The following TBC1D15 variants were observed in gnomAD, a reference collection of about 807,000 sequenced individuals.
The protein encoded by TBC1D15 is TBC1 domain family member 15.
In TBC1D15, 39 loss-of-function variants were observed where a neutral mutation model predicts 95.4. That is an observed-to-expected ratio of 0.41 (90% CI 0.32 to 0.53). The LOEUF (loss-of-function observed/expected upper bound fraction) is 0.53, where lower values mean the gene tolerates loss of function less well. TBC1D15 is among the 20% of genes least tolerant of loss of function. The probability of loss-of-function intolerance (pLI) is 0.29; values close to 1 mark genes in which losing one functional copy is unlikely to be tolerated. For synonymous variants in TBC1D15, 258 were observed against 261.3 expected, an observed-to-expected ratio of 0.99 and a Z score of 0.12; for missense variants, 733 against 794.3, an observed-to-expected ratio of 0.92 and a Z score of 0.93.
At position 71,920,750 on chromosome 12, in the gene TBC1D15, C is replaced by T; in HGVS notation, c.1619C>T (p.Pro540Leu). 2 of 1,612,358 alleles carry T rather than the reference C, an allele frequency of 1.2e-6. No individual in the cohort carries two copies. The highest frequency in any genetic ancestry group is 1.7e-6 in the Non-Finnish European group (2 of 1,179,288). The change falls in exon 15 of 17, where the codon CCA (proline) becomes CTA (leucine). Residue 540 changes from proline to leucine, a missense_variant. By Grantham distance (98) the Pro-to-Leu change is moderately conservative (BLOSUM62 -3). Coordinates refer to ENST00000485960, the MANE Select transcript of TBC1D15 (RefSeq NM_001146213.3). ...RLWEVMWTEL[P>L]CTNFHLLLCC... ...CTATAGGTAATGTGGACCGAACTAC[C>T]ATGTACAAATTTCCATCTTCTTCTC...
intron 1 of TBC1D15, among the ~76,000 whole-genome samples, chr12:71,870,597 TTTATAATG>T (rs1411582757): frequency 1.3e-5 from 2 of 152,210 alleles, no homozygotes; most frequent in African/African-American, 4.8e-5. Context: ...ATGTGGAACC[TTTATAATG>T]TAGTGGCTAA....
At chr12:71,866,848 C>T (rs181955835) in intron 1 of TBC1D15, among the ~76,000 whole-genome samples, 12 of 152,292 alleles carry the variant, frequency 7.9e-5, no homozygotes, top group Non-Finnish European at 1.3e-4. Flanking sequence ...GCCTTCTAGA[C>T]GACCATCTTG....
In TBC1D15 at chr12:71,854,149, A is replaced by G. The variant is rs376049485; in HGVS notation, c.30+14338A>G. 2.0e-5 allele frequency among the ~76,000 whole-genome samples: 3 copies of G among 152,314 alleles called. No homozygotes were observed. The South Asian group carries it at 6.2e-4, about 32-fold the overall frequency. ...CTGGGAACACACAACATAAAGCTAG[A>G]CAATTGTATTGCTCACTTCATTTGG... On this transcript the variant is annotated intron_variant, in intron 1 of 16. Transcript: ENST00000485960.
Position 71,897,794 on chromosome 12 carries a change from TTAAAAA to T in TBC1D15, c.1089-48_1089-43del, listed in dbSNP as rs1357623025. 5.8e-6 allele frequency: 8 copies of T among 1,388,098 alleles called. No individual in the cohort carries two copies. The Admixed American group carries it at 1.4e-4, about 24-fold the overall frequency. The allele number at this position is 1,388,098 out of a possible 1,614,324, so 86.0% of individuals were successfully genotyped here. On this transcript the variant is annotated intron_variant, in intron 9 of 16. Transcript: ENST00000485960. Reference sequence around the variant, plus strand: ...TATAGAAAAACCCAATTAAACAGTGTTAAAAATAAAGTTTTCAAATAGCTTTCTTTG... The same window carrying T: ...TATAGAAAAACCCAATTAAACAGTGTTAAAGTTTTCAAATAGCTTTCTTTG...
chr12:71,860,080 A>T (rs1890052331), intron 1 of TBC1D15, among the ~76,000 whole-genome samples: 2 of 152,002 alleles, frequency 1.3e-5, no homozygotes, highest in African/African-American at 2.4e-5. Flanking sequence ...CTCTAAATTT[A>T]TTTCTGGGTT....
intron 11 of TBC1D15, among the ~76,000 whole-genome samples, chr12:71,908,380 T>G (rs1901335474): frequency 6.6e-6 from 1 of 152,114 alleles, no homozygotes; most frequent in South Asian, 2.1e-4. Context: ...TGTGAGTGGC[T>G]TCTAGCTAAA....
intron 16 of TBC1D15, 133 bp from the exon 17 acceptor site, chr12:71,922,850 G>C (rs568062538): frequency 1.2e-6 from 1 of 833,690 alleles, no homozygotes; most frequent in African/African-American, 1.7e-5. Flanking sequence ...TGTGAGAAGG[G>C]TACATGACAT....
intron 13 of TBC1D15, 44 bp from the exon 14 acceptor site, chr12:71,918,407 T>C (rs773096874): frequency 2.5e-6 from 3 of 1,216,186 alleles, no homozygotes; most frequent in Non-Finnish European, 1.2e-6. Context: ...CTGACATAAT[T>C]AGCATAAGAG....
chr12:71,913,919 ACCAAATGGT>A lies in TBC1D15; in HGVS notation c.1395_1401+2del, dbSNP rs769534930. ...TTTTGGTGCTTTGCCTCTTACATGG[ACCAAATGGT>A]AAGAACAGAGATTCCTTCCATTAAA... On this transcript the variant is annotated splice_donor_variant and coding_sequence_variant, in exon 12 of 17. Transcript: ENST00000485960. LOFTEE classifies it high-confidence loss of function. 1 of 1,586,376 alleles carries A rather than the reference ACCAAATGGT, an allele frequency of 6.3e-7. No individual in the cohort carries two copies. The highest frequency in any genetic ancestry group is 8.6e-7 in the Non-Finnish European group (1 of 1,169,168).
intron 5 of TBC1D15, among the ~76,000 whole-genome samples, chr12:71,892,976 T>C (rs1897457202): frequency 6.6e-6 from 1 of 151,862 alleles, no homozygotes. Context: ...AAATACACTT[T>C]ATATTTGTTT....
At chr12:71,896,920 A>G in intron 9 of TBC1D15, 140 bp downstream of exon 9, 2 of 579,626 alleles carry the variant, frequency 3.5e-6, no homozygotes, top group East Asian at 3.1e-5. Context: ...TAACTTAAAA[A>G]TTATGAGCAT....
At chr12:71,855,139 T>C (rs1456980463) in intron 1 of TBC1D15, among the ~76,000 whole-genome samples, 1 of 150,894 alleles carries the variant, frequency 6.6e-6, no homozygotes, top group Non-Finnish European at 1.5e-5. Context: ...AGAGAGAGAG[T>C]GCTCAGGGGA....
At chr12:71,902,254 A>T (rs1592796878) in intron 10 of TBC1D15, among the ~76,000 whole-genome samples, 1 of 152,344 alleles carries the variant, frequency 6.6e-6, no homozygotes, top group Middle Eastern at 3.4e-3. Context: ...ACCAAAAAAG[A>T]GCCCAAATAG....
intron 2 of TBC1D15, 126 bp from the exon 3 acceptor site, chr12:71,872,803 T>C (rs1892965519): frequency 1.7e-6 from 1 of 605,538 alleles, no homozygotes; most frequent in East Asian, 2.9e-5. Context: ...GATTTACATA[T>C]GATGTTAGCA....
At chr12:71,887,844 C>G (rs912235689) in intron 5 of TBC1D15, among the ~76,000 whole-genome samples, 7 of 152,144 alleles carry the variant, frequency 4.6e-5, no homozygotes, top group Non-Finnish European at 8.8e-5. Context: ...CATATTCTTC[C>G]TAGTTCCTAG....
intron 10 of TBC1D15, among the ~76,000 whole-genome samples, chr12:71,902,967 C>T (rs931599604): frequency 2.0e-5 from 3 of 152,174 alleles, no homozygotes; most frequent in Admixed American, 6.5e-5. Context: ...GGCTGGAGTG[C>T]AGCAGTGCAA....
rs1019627891 is a variant in TBC1D15, at chr12:71,849,903, G to A, written c.30+10092G>A. On this transcript the variant is annotated intron_variant, in intron 1 of 16. Transcript: ENST00000485960. ...TTTGGGGTCCACCAAAGCTTCCAGC[G>A]TCTTGAGGATCAGTGGCTGGAAAAG... The A allele has an allele frequency of 5.3e-5, 30 of 567,726 alleles. 1 individual carries two copies. The highest frequency in any genetic ancestry group is 4.8e-4 in the African/African-American group (25 of 52,452). The allele number at this position is 567,726 out of a possible 1,614,324, so 35.2% of individuals were successfully genotyped here.
chr12:71,897,971 C>T (rs779143101), intron 10 of TBC1D15, 30 bp downstream of exon 10: 19 of 1,484,520 alleles, frequency 1.3e-5, no homozygotes, highest in Non-Finnish European at 1.6e-5. Flanking sequence ...TTTGGAAATG[C>T]AAGGGGGGAT....
chr12:71,922,671 TAAGA>T (rs978441762), intron 16 of TBC1D15, among the ~76,000 whole-genome samples: 1 of 152,164 alleles, frequency 6.6e-6, no homozygotes, highest in African/African-American at 2.4e-5. Context: ...ACAGATGATC[TAAGA>T]AAGATATTAT....
Sources: gnomAD v4.1 joint callset for allele counts (sites outside exome capture counted in the v4.1 genomes callset) on GRCh38, gnomAD v4.1.1 for gene constraint, MANE v1.5 for transcripts, NCBI Gene and HGNC (gene_info 2026-07-23, HGNC 2026-07-21) for gene names.